The following EIF2B3 variants were observed in gnomAD, a reference collection of about 807,000 sequenced individuals.
EIF2B3 encodes translation initiation factor eIF2B subunit gamma.
A neutral mutation model predicts 54.1 loss-of-function variants in EIF2B3; 20 were observed. That is an observed-to-expected ratio of 0.37 (90% CI 0.26 to 0.54). The LOEUF is 0.54. Among genes scored for constraint, EIF2B3 ranks in the 20% least tolerant of loss-of-function variants. The pLI, the probability that EIF2B3 is intolerant of heterozygous loss-of-function variation, is 0.86. For synonymous variants in EIF2B3, 153 were observed against 188.1 expected (o/e 0.81, Z 1.52); for missense variants, 448 against 547.8 (o/e 0.82, Z 1.82).
intron 10 of EIF2B3, among the ~76,000 whole-genome samples, chr1:44,870,884 C>A (rs994358333): frequency 1.3e-5 from 2 of 152,174 alleles, no homozygotes; most frequent in Non-Finnish European, 1.5e-5. Context: ...AACTCCTGGG[C>A]TCATCTGCCC....
intron 3 of EIF2B3, among the ~76,000 whole-genome samples, chr1:44,976,645 A>C (rs1049811337): frequency 2.0e-5 from 3 of 152,180 alleles, no homozygotes; most frequent in Non-Finnish European, 2.9e-5. Context: ...ATTAGAAACA[A>C]CCCAAATAAC....
intron 2 of EIF2B3, among the ~76,000 whole-genome samples, chr1:44,979,087 G>C (rs1017645611): frequency 2.0e-5 from 3 of 151,320 alleles, no homozygotes; most frequent in Non-Finnish European, 4.4e-5. Context: ...TGGAGTTCAA[G>C]ACCAGCCTGG....
chr1:44,872,527 G>A (rs1250717312), intron 10 of EIF2B3, among the ~76,000 whole-genome samples: 1 of 152,078 alleles, frequency 6.6e-6, no homozygotes, highest in East Asian at 1.9e-4. Context: ...GTGTGCGCCT[G>A]TAGTCCTAGC....
chr1:44,977,104 C>A (rs1172224868), intron 3 of EIF2B3, among the ~76,000 whole-genome samples: 1 of 152,132 alleles, frequency 6.6e-6, no homozygotes, highest in African/African-American at 2.4e-5. Flanking sequence ...CGTTTAATCA[C>A]CAGAAATAAC....
Position 44,882,928 on chromosome 1 carries a change from C to CTTT in EIF2B3, c.657-1192_657-1190dup, listed in dbSNP as rs1003449669. Among the ~76,000 whole-genome samples the CTTT allele has an allele frequency of 1.2e-3, 142 of 114,464 alleles. 2 individuals are homozygous for CTTT. The highest frequency in any genetic ancestry group is 1.9e-3 in the Non-Finnish European group (107 of 56,660). The allele number at this position is 114,464 out of a possible 152,430, so 75.1% of individuals were successfully genotyped here. ...CTGTGCCTGACTTTTTTTTCTTTTTCTTTTTTTTTTTTTTTTTTTGAGATG... is the reference window on the plus strand; with the variant it reads ...CTGTGCCTGACTTTTTTTTCTTTTTCTTTTTTTTTTTTTTTTTTTTTTGAGATG... On this transcript the variant is annotated intron_variant, in intron 6 of 11. Transcript: ENST00000360403.
chr1:44,962,987 A>G (rs939803160), intron 3 of EIF2B3, among the ~76,000 whole-genome samples: 1 of 152,040 alleles, frequency 6.6e-6, no homozygotes, highest in African/African-American at 2.4e-5. Context: ...TAATCCCAAC[A>G]TTTTGGGAGG....
chr1:44,901,481 C>T (rs925658972), intron 5 of EIF2B3, among the ~76,000 whole-genome samples: 5 of 151,742 alleles, frequency 3.3e-5, no homozygotes, highest in African/African-American at 1.2e-4. Flanking sequence ...AAACTCCTGG[C>T]CCCAAGCGAT....
At chr1:44,980,896 AAAG>A (rs1293089134) in intron 2 of EIF2B3, 122 bp downstream of exon 2, 2 of 1,178,992 alleles carry the variant, frequency 1.7e-6, no homozygotes, top group Non-Finnish European at 2.5e-6. Flanking sequence ...TACATTCCTT[AAAG>A]AAGGCAGTCT....
chr1:44,941,849 G>A (rs1259114276), intron 3 of EIF2B3, among the ~76,000 whole-genome samples, 184 bp from the exon 4 acceptor site: 1 of 152,104 alleles, frequency 6.6e-6, no homozygotes, highest in Admixed American at 6.6e-5. Context: ...TATAGGGTCT[G>A]GAAACTCTAC....
At chr1:44,983,897 A>ACT (rs2148967373) in intron 1 of EIF2B3, among the ~76,000 whole-genome samples, 2 of 151,316 alleles carry the variant, frequency 1.3e-5, no homozygotes, top group South Asian at 4.2e-4. Flanking sequence ...TAGTAGAGAC[A>ACT]GGGTTTCACC....
intron 5 of EIF2B3, among the ~76,000 whole-genome samples, chr1:44,914,310 G>A (rs963421654): frequency 7.9e-5 from 12 of 151,936 alleles, no homozygotes; most frequent in South Asian, 2.1e-4. Flanking sequence ...ACAGGTGTGC[G>A]CCACCATGCC....
chr1:44,947,137 T>C (rs1644111692), intron 3 of EIF2B3, among the ~76,000 whole-genome samples: 1 of 152,172 alleles, frequency 6.6e-6, no homozygotes, highest in African/African-American at 2.4e-5. Context: ...CCAACAGTCA[T>C]TGGTATGCCT....
At chr1:44,951,764 T>A (rs1440692030) in intron 3 of EIF2B3, among the ~76,000 whole-genome samples, 1 of 150,764 alleles carries the variant, frequency 6.6e-6, no homozygotes, top group Non-Finnish European at 1.5e-5. Context: ...CATCCTTCCT[T>A]AAAACTTCAG....
At chr1:44,949,490 CT>C (rs1644138189) in intron 3 of EIF2B3, among the ~76,000 whole-genome samples, 1 of 152,180 alleles carries the variant, frequency 6.6e-6, no homozygotes, top group Admixed American at 6.5e-5. Flanking sequence ...TTATCTCCTT[CT>C]CTTTGTTTAA....
Position 44,930,794 on chromosome 1 carries a change from C to T in EIF2B3, c.455-4055G>A, listed in dbSNP as rs192705559. On this transcript the variant is annotated intron_variant, in intron 4 of 11. Transcript: ENST00000360403. The stretch of plus-strand genomic sequence containing the variant: ...TAGCTGGGACCACAGGCATGTGCTA[C>T]CATGTCCAGCTAATTTTTGTATTTT... Among the ~76,000 whole-genome samples, 18 of 152,316 alleles carry T rather than the reference C, an allele frequency of 1.2e-4. No homozygotes were observed. In the South Asian group the frequency reaches 2.5e-3, roughly 21 times the overall value.
chr1:44,958,753 T>C, intron 3 of EIF2B3: 1 of 1,540,290 alleles, frequency 6.5e-7, no homozygotes, highest in Non-Finnish European at 9.0e-7. Context: ...CGCACAGAAC[T>C]CAATCCATCA....
intron 3 of EIF2B3, among the ~76,000 whole-genome samples, chr1:44,962,337 A>G (rs1190527768): frequency 6.6e-6 from 1 of 152,148 alleles, no homozygotes; most frequent in Non-Finnish European, 1.5e-5. Flanking sequence ...TAAAGTGAAC[A>G]CCAAGCAGCC....
rs561049532 is a variant in EIF2B3 at position 44,856,909 on chromosome 1, A to G, written c.1306+795T>C. On this transcript the variant is annotated intron_variant, in intron 11 of 11. Coordinates refer to ENST00000360403, the MANE Select transcript of EIF2B3 (RefSeq NM_020365.5). The stretch of plus-strand genomic sequence containing the variant: ...AGCCTTGACCTCTCAGGCTCAAGCA[A>G]TCCTCCTGCCTCAGCCTCTTGAGTA... 8.7e-4 allele frequency among the ~76,000 whole-genome samples: 133 copies of G among 152,286 alleles called. 1 individual carries two copies. The highest frequency in any genetic ancestry group is 3.0e-3 in the African/African-American group (123 of 41,542).
chr1:44,875,643 G>A lies in EIF2B3; in HGVS notation c.1028C>T (p.Ser343Leu). The A allele has an allele frequency of 1.2e-6, 2 of 1,614,204 alleles. No individual in the cohort carries two copies. The highest frequency in any genetic ancestry group is 2.2e-5 in the East Asian group (1 of 44,886). Residue 343 changes from serine to leucine, a missense_variant, in exon 9 of 12, where the codon TCA becomes TTA. By Grantham distance (145) the Ser-to-Leu change is moderately radical. This residue lies in a region of EIF2B3 where 350 missense variants were observed against 414.2 expected (regional missense o/e 0.85). Transcript: ENST00000360403. ...LCPEEPPVHS[S>L]AQIVSKHLVG... ...CAGGTGTTTGCTGACAATCTGGGCTGACGAATGGACTGGTGGTTCTTCTGG... is the reference window on the plus strand; with the variant it reads ...CAGGTGTTTGCTGACAATCTGGGCTAACGAATGGACTGGTGGTTCTTCTGG...
Sources: allele counts gnomAD v4.1 joint callset (sites outside exome capture counted in the v4.1 genomes callset), GRCh38; gene constraint gnomAD v4.1.1; regional missense constraint gnomAD v4.1.1; transcripts MANE v1.5; gene names NCBI Gene and HGNC (gene_info 2026-07-23, HGNC 2026-07-21).